Variants in NPAS3 observed in about 807,000 individuals in gnomAD.
NPAS3 encodes the protein neuronal PAS domain-containing protein 3.
NPAS3 carries 14 observed loss-of-function variants against 73.1 expected under a neutral mutation model. That is an observed-to-expected ratio of 0.19 (90% CI 0.13 to 0.30). The LOEUF (loss-of-function observed/expected upper bound fraction) is 0.30, where lower values mean the gene tolerates loss of function less well. Among genes scored for constraint, NPAS3 ranks in the 10% least tolerant of loss-of-function variants. NPAS3 has a pLI of 1.00. For missense variants in NPAS3, 1,096 were observed against 1,250.0 expected (o/e 0.88, Z 1.86); for synonymous variants, 620 against 541.5 (o/e 1.14, Z -2.01).
At chr14:33,175,320 ATTCT>A (rs1350933072) in intron 2 of NPAS3, among the ~76,000 whole-genome samples, 2 of 152,288 alleles carry the variant, frequency 1.3e-5, no homozygotes, top group African/African-American at 4.8e-5. Context: ...CAGAGTTGCT[ATTCT>A]GTCCTTTCCT....
intron 4 of NPAS3, among the ~76,000 whole-genome samples, chr14:33,523,786 A>G (rs1312797731): frequency 1.3e-5 from 2 of 152,044 alleles, no homozygotes; most frequent in African/African-American, 2.4e-5. Flanking sequence ...TCTCAAGAAA[A>G]AAAAGACCCT....
chr14:33,011,871 T>C (rs369962382), intron 1 of NPAS3, among the ~76,000 whole-genome samples: 18 of 152,234 alleles, frequency 1.2e-4, no homozygotes, highest in East Asian at 7.7e-4. Flanking sequence ...GTGGCAGACA[T>C]GAATAAAAAA....
At chr14:33,521,193 C>T (rs1299126784) in intron 4 of NPAS3, among the ~76,000 whole-genome samples, 1 of 152,060 alleles carries the variant, frequency 6.6e-6, no homozygotes, top group Non-Finnish European at 1.5e-5. Flanking sequence ...GGGCACTTAA[C>T]CTACATTAGA....
intron 1 of NPAS3, among the ~76,000 whole-genome samples, chr14:32,941,298 TC>T (rs2035998397): frequency 1.6e-5 from 1 of 61,902 alleles, no homozygotes; most frequent in Non-Finnish European, 3.1e-5. Flanking sequence ...CCTCCCTCCC[TC>T]CCTCCCTCCC....
intron 2 of NPAS3, among the ~76,000 whole-genome samples, chr14:33,139,111 A>T (rs1450692065): frequency 6.6e-6 from 1 of 152,212 alleles, no homozygotes; most frequent in Non-Finnish European, 1.5e-5. Flanking sequence ...GTGTCTGTCT[A>T]GATGAGTAAT....
chr14:33,325,734 T>G (rs554567671), intron 3 of NPAS3, among the ~76,000 whole-genome samples: 17 of 110,638 alleles, frequency 1.5e-4, no homozygotes, highest in Middle Eastern at 4.4e-3. Flanking sequence ...TCTATCTGGG[T>G]TTTTTTTTTT....
At chr14:33,337,986 GT>G (rs753578346) in intron 3 of NPAS3, among the ~76,000 whole-genome samples, 49 of 149,166 alleles carry the variant, frequency 3.3e-4, no homozygotes, top group African/African-American at 1.0e-3. Context: ...GATTTCTTAG[GT>G]TTTTTTTAAT....
chr14:32,936,457 A>T (rs2035697168), upstream of NPAS3, among the ~76,000 whole-genome samples: 1 of 152,194 alleles, frequency 6.6e-6, no homozygotes, highest in Non-Finnish European at 1.5e-5. Context: ...TCAAACATGA[A>T]AGACTAGAAA....
chr14:33,297,037 TG>T (rs915368444), intron 3 of NPAS3, among the ~76,000 whole-genome samples: 1 of 152,188 alleles, frequency 6.6e-6, no homozygotes, highest in Non-Finnish European at 1.5e-5. Context: ...TTTTTCTCTC[TG>T]CATACTTAGT....
At chr14:33,449,616 TACATGCACAC>T (rs1362610696) in intron 4 of NPAS3, among the ~76,000 whole-genome samples, 2 of 151,786 alleles carry the variant, frequency 1.3e-5, no homozygotes, top group South Asian at 2.1e-4. Flanking sequence ...CACACACATA[TACATGCACAC>T]ACATGCACAC....
At position 33,250,970 on chromosome 14, in the gene NPAS3, G is replaced by T. The variant is rs192538481; in HGVS notation, c.385+35544G>T. Among the ~76,000 whole-genome samples the T allele has an allele frequency of 3.3e-5, 5 of 152,136 alleles. No homozygotes were observed. The East Asian group carries it at 9.7e-4, about 29-fold the overall frequency. On this transcript the variant is annotated intron_variant, in intron 3 of 11. Transcript: ENST00000356141. ...GATGTATTTATACTTCTCAAAAGGG[G>T]TATAAATTCTAACTGTATTACCAAA...
At chr14:33,394,060 C>T (rs1025465970) in intron 4 of NPAS3, among the ~76,000 whole-genome samples, 1 of 152,206 alleles carries the variant, frequency 6.6e-6, no homozygotes, top group South Asian at 2.1e-4. Context: ...ATTTTATGGC[C>T]TCTTCTTTAA....
chr14:33,468,945 G>A (rs1057298252), intron 4 of NPAS3, among the ~76,000 whole-genome samples: 2 of 152,120 alleles, frequency 1.3e-5, no homozygotes, highest in African/African-American at 4.8e-5. Flanking sequence ...CCAAAAGACC[G>A]AATCTACAGG....
chr14:33,033,269 A>C (rs2138359443), intron 1 of NPAS3, among the ~76,000 whole-genome samples: 2 of 152,274 alleles, frequency 1.3e-5, no homozygotes, highest in Admixed American at 1.3e-4. Flanking sequence ...ACTTGACGTC[A>C]GGAGTTCGAG....
At chr14:33,159,903 A>G (rs534113369) in intron 2 of NPAS3, among the ~76,000 whole-genome samples, 6 of 152,208 alleles carry the variant, frequency 3.9e-5, no homozygotes, top group African/African-American at 1.4e-4. Flanking sequence ...CGTAAGAAAA[A>G]TTTTTTACAT....
intron 3 of NPAS3, among the ~76,000 whole-genome samples, chr14:33,313,084 G>T (rs2043069716): frequency 6.6e-6 from 1 of 151,966 alleles, no homozygotes; most frequent in Admixed American, 6.6e-5. Flanking sequence ...GGGTGTTTTT[G>T]GCAGTACAAT....
At chr14:33,131,217 TTA>T (rs2043624059) in intron 2 of NPAS3, among the ~76,000 whole-genome samples, 1 of 152,136 alleles carries the variant, frequency 6.6e-6, no homozygotes, top group South Asian at 2.1e-4. Flanking sequence ...TAGTAAAATT[TTA>T]TATGCTGAAA....
chr14:33,426,116 C>G (rs550311643), intron 4 of NPAS3, among the ~76,000 whole-genome samples: 1 of 152,096 alleles, frequency 6.6e-6, no homozygotes, highest in Admixed American at 6.6e-5. Context: ...ATTTCAACAT[C>G]AAGTAATCAG....
intron 5 of NPAS3, among the ~76,000 whole-genome samples, chr14:33,584,826 CACTT>C (rs1271341208): frequency 1.3e-5 from 2 of 152,170 alleles, no homozygotes; most frequent in Non-Finnish European, 1.5e-5. Flanking sequence ...GAAAAGTTAA[CACTT>C]ACTGAGGACA....
Sources: gnomAD v4.1 joint callset for allele counts (sites outside exome capture counted in the v4.1 genomes callset) on GRCh38, gnomAD v4.1.1 for gene constraint, MANE v1.5 for transcripts, NCBI Gene and HGNC (gene_info 2026-07-23, HGNC 2026-07-21) for gene names.